Variants in NUP205 observed in about 807,000 individuals in gnomAD.
The protein encoded by NUP205 is nucleoporin 205, also known as nuclear pore complex protein Nup205.
A neutral mutation model predicts 253.8 loss-of-function variants in NUP205; 76 were observed. That is an observed-to-expected ratio of 0.30 (90% CI 0.25 to 0.36). The LOEUF (loss-of-function observed/expected upper bound fraction) is 0.36, where lower values mean the gene tolerates loss of function less well. Ranked by LOEUF, NUP205 falls within the 10% of genes least tolerant of loss-of-function variation. The probability of loss-of-function intolerance (pLI) is 1.00; values close to 1 mark genes in which losing one functional copy is unlikely to be tolerated. For synonymous variants in NUP205, 832 were observed against 850.1 expected, an observed-to-expected ratio of 0.98 and a Z score of 0.37; for missense variants, 2,162 against 2,425.5, an observed-to-expected ratio of 0.89 and a Z score of 2.28.
intron 12 of NUP205, among the ~76,000 whole-genome samples, chr7:135,593,745 T>G (rs532209552): frequency 2.8e-4 from 43 of 152,200 alleles, no homozygotes; most frequent in Non-Finnish European, 4.1e-4. Flanking sequence ...CTTCTAAGTT[T>G]TTGGCTTTTC....
chr7:135,580,005 C>T (rs1385943870), intron 7 of NUP205, among the ~76,000 whole-genome samples: 1 of 152,158 alleles, frequency 6.6e-6, no homozygotes, highest in Non-Finnish European at 1.5e-5. Flanking sequence ...CTGCTATTTA[C>T]ATTTACATTA....
At chr7:135,596,004 G>A (rs59580710) in intron 13 of NUP205, among the ~76,000 whole-genome samples, 2,042 of 151,836 alleles carry the variant, frequency 0.013, 45 homozygotes, top group African/African-American at 0.047. Flanking sequence ...GGGTGATCTC[G>A]GCTCACTGCA....
chr7:135,597,960 G>GT (rs770749575), intron 14 of NUP205, 38 bp from the exon 15 acceptor site: 4 of 1,540,182 alleles, frequency 2.6e-6, no homozygotes, highest in Non-Finnish European at 2.7e-6. Flanking sequence ...ATAGCTAATA[G>GT]TTTTTATTAC....
Position 135,638,606 on chromosome 7 carries a change from C to T in NUP205, c.5315C>T (p.Ser1772Phe). The change falls in exon 38 of 43, where the codon TCC becomes TTC. Residue 1772 changes from serine to phenylalanine, a missense_variant. Around this residue, in one of 5 missense-constraint regions of NUP205, gnomAD observed 1,144 missense variants for 1,280.9 expected, o/e 0.89. Transcript: ENST00000285968. The part of the protein sequence containing the change: ...EYCQSLMLQS[S>F]PTFQHAVCLF... ...TGCCAGTCACTCATGTTACAGAGTT[C>T]CCCTACCTTCCAGCATGCTGTGTGT... is the stretch of plus-strand genomic sequence containing the variant. 1.9e-6 allele frequency: 3 copies of T among 1,613,576 alleles called. No individual in the cohort carries two copies. Among genetic ancestry groups the T allele is most frequent in the Non-Finnish European group, 2.5e-6 (3 of 1,179,590 alleles).
At chr7:135,640,989 C>T (rs1336544526) in intron 38 of NUP205, among the ~76,000 whole-genome samples, 1 of 151,768 alleles carries the variant, frequency 6.6e-6, no homozygotes, top group Non-Finnish European at 1.5e-5. Flanking sequence ...CACATGAGCC[C>T]AGAAGTTCAA....
rs1045533788 is a variant in NUP205, at chr7:135,584,768, A to T, written c.1043-64A>T. 63 of 1,374,884 alleles carry T rather than the reference A, an allele frequency of 4.6e-5. No individual in the cohort carries two copies. The African/African-American group carries it at 8.6e-4, about 19-fold the overall frequency. The allele number at this position is 1,374,884 out of a possible 1,614,324, so 85.2% of individuals were successfully genotyped here. Reference sequence around the variant, plus strand: ...TGAACCATCAGCAGAGTATTATGAGATATAATTACAATCTGGGTTAATGAC... The same window carrying T: ...TGAACCATCAGCAGAGTATTATGAGTTATAATTACAATCTGGGTTAATGAC... On this transcript the variant is annotated intron_variant, in intron 7 of 42. Transcript: ENST00000285968.
At position 135,618,421 on chromosome 7, in the gene NUP205, A is replaced by C; in HGVS notation, c.3781A>C (p.Thr1261Pro). 1.9e-6 allele frequency: 3 copies of C among 1,613,942 alleles called. No homozygotes were observed. Among genetic ancestry groups the C allele is most frequent in the Non-Finnish European group, 2.5e-6 (3 of 1,179,904 alleles). The part of the protein sequence containing the change: ...QRPLLMEEIS[T>P]VLQYVVGRNK... Reference sequence around the variant, plus strand: ...ATTCCTGTGGCTTTAGGAAATCAGCACTGTACTTCAGTATGTGGTAGGAAG... The same window carrying C: ...ATTCCTGTGGCTTTAGGAAATCAGCCCTGTACTTCAGTATGTGGTAGGAAG... Residue 1261 changes from threonine (T) to proline (P), a missense_variant, in exon 28 of 43, where the codon ACT becomes CCT. By Grantham distance (38) the Thr-to-Pro change is conservative (BLOSUM62 -1). This residue lies in a region of NUP205 where 1,144 missense variants were observed against 1,280.9 expected (regional missense o/e 0.89). Transcript: ENST00000285968.
intron 1 of NUP205, among the ~76,000 whole-genome samples, chr7:135,570,861 T>G (rs1431397553): frequency 8.6e-6 from 1 of 115,920 alleles, no homozygotes; most frequent in African/African-American, 3.3e-5. Flanking sequence ...ATATTATATA[T>G]AAATATAAAA....
intron 35 of NUP205, among the ~76,000 whole-genome samples, chr7:135,631,708 C>A (rs1794715726): frequency 6.6e-6 from 1 of 151,258 alleles, no homozygotes; most frequent in Non-Finnish European, 1.5e-5. Flanking sequence ...CGAGTTCTTT[C>A]TTTTGATTTA....
chr7:135,647,174 A>G (rs1477860100), intron 42 of NUP205, among the ~76,000 whole-genome samples: 1 of 152,262 alleles, frequency 6.6e-6, no homozygotes, highest in Non-Finnish European at 1.5e-5. Flanking sequence ...CAAAGCAGGT[A>G]TCAGGGTGTG....
Position 135,617,250 on chromosome 7 carries a change from G to A in NUP205, c.3690+3G>A, listed in dbSNP as rs774201541. 1.2e-5 allele frequency: 19 copies of A among 1,612,830 alleles called. No individual in the cohort carries two copies. In the South Asian group the frequency reaches 1.8e-4, roughly 15 times the overall value. On this transcript the variant is annotated splice_donor_region_variant and intron_variant, in intron 26 of 42. Transcript: ENST00000285968. ...GACAGACAGTCTGCAATGTCAAGGT[G>A]AGGATTGCTTTAAAGTACATATCTG...
chr7:135,597,786 G>T (rs1793877231), intron 14 of NUP205: 4 of 517,468 alleles, frequency 7.7e-6, no homozygotes, highest in Non-Finnish European at 1.4e-5. Context: ...ATTCAAGTTT[G>T]GGGACAGTAA....
At chr7:135,571,275 T>A (rs75573776) in intron 2 of NUP205, 28 bp downstream of exon 2, 44 of 1,373,948 alleles carry the variant, frequency 3.2e-5, no homozygotes, top group Non-Finnish European at 4.1e-5. Context: ...TCAGTTTTTT[T>A]GGGATTTTTT....
At chr7:135,621,602 GT>G (rs1794470935) in intron 30 of NUP205, among the ~76,000 whole-genome samples, 1 of 152,106 alleles carries the variant, frequency 6.6e-6, no homozygotes, top group South Asian at 2.1e-4. Flanking sequence ...TCACATAAGA[GT>G]ATGTTTGTGG....
Position 135,614,117 on chromosome 7 carries a change from A to C in NUP205, c.3196-42A>C, listed in dbSNP as rs1281196085. On this transcript the variant is annotated intron_variant, in intron 22 of 42. Coordinates refer to ENST00000285968, the MANE Select transcript of NUP205 (RefSeq NM_015135.3). ...TTTGTTACCATAATATGTGTAACACAGAAAGACTGATTCAGGGATTTTTCT... is the reference window on the plus strand; with the variant it reads ...TTTGTTACCATAATATGTGTAACACCGAAAGACTGATTCAGGGATTTTTCT... 8.9e-6 allele frequency: 10 copies of C among 1,127,028 alleles called. No homozygotes were observed. The East Asian group carries it at 2.4e-4, about 27-fold the overall frequency. 69.8% of individuals were successfully genotyped at this position (1,127,028 alleles called of 1,614,324 possible).
intron 19 of NUP205, 25 bp downstream of exon 19, chr7:135,604,485 A>G: frequency 6.3e-7 from 1 of 1,591,948 alleles, no homozygotes; most frequent in Non-Finnish European, 8.5e-7. Context: ...TGCTCTTGTT[A>G]TTTTTTGGTG....
At chr7:135,611,702 A>G (rs1050145055) in intron 22 of NUP205, among the ~76,000 whole-genome samples, 5 of 152,176 alleles carry the variant, frequency 3.3e-5, no homozygotes, top group African/African-American at 4.8e-5. Flanking sequence ...GCCAGGCGTT[A>G]TGCCATGTGC....
In NUP205 at chr7:135,601,593, T is replaced by C. The variant is rs1339545279; in HGVS notation, c.2512+86T>C. The C allele has an allele frequency of 4.3e-6, 6 of 1,404,632 alleles. No homozygotes were observed. The African/African-American group carries it at 4.3e-5, about 10-fold the overall frequency. The allele number at this position is 1,404,632 out of a possible 1,614,324, so 87.0% of individuals were successfully genotyped here. On this transcript the variant is annotated intron_variant, in intron 17 of 42. Transcript: ENST00000285968. ...CTGAGAATTTGAAATAGATGATCTC[T>C]GAAGTCATTTTTCACTGTAAGATTC...
intron 1 of NUP205, among the ~76,000 whole-genome samples, chr7:135,560,048 A>G (rs1805542314): frequency 6.6e-6 from 1 of 151,926 alleles, no homozygotes; most frequent in Non-Finnish European, 1.5e-5. Context: ...GTAGTAGAGA[A>G]GGGGTTTCAC....
Sources: gnomAD v4.1 joint callset for allele counts (sites outside exome capture counted in the v4.1 genomes callset) on GRCh38, gnomAD v4.1.1 for gene constraint, gnomAD v4.1.1 regional missense constraint, MANE v1.5 for transcripts, NCBI Gene and HGNC (gene_info 2026-07-23, HGNC 2026-07-21) for gene names.